The following SPATA1 variants were observed in gnomAD, a reference collection of about 807,000 sequenced individuals.
The protein encoded by SPATA1 is spermatogenesis associated 1.
Under a neutral mutation model 59.6 loss-of-function variants are expected in SPATA1, and 57 were observed. The ratio of observed to expected loss-of-function variants is 0.96; its 90% confidence interval spans 0.77 to 1.19. The LOEUF is 1.19. SPATA1 is among the 50% of genes most tolerant of loss of function. SPATA1 has a pLI of 0.00. For synonymous variants in SPATA1, 147 were observed against 163.9 expected (o/e 0.90, Z 0.79); for missense variants, 448 against 480.7 (o/e 0.93, Z 0.64).
In SPATA1 at chr1:84,513,976, G is replaced by A. The variant is rs1052089188; in HGVS notation, c.-137-2247G>A. On this transcript the variant is annotated intron_variant, in intron 1 of 12. Transcript: ENST00000490879. ...CCTGCCTCACCCTCTTGAGTAGCTG[G>A]GATTACAGGCACACACCACCACACC... Among the ~76,000 whole-genome samples the A allele has an allele frequency of 6.6e-5, 10 of 151,412 alleles. 1 individual carries two copies. The highest frequency in any genetic ancestry group is 3.4e-3 in the Middle Eastern group (1 of 294).
chr1:84,509,819 A>G (rs1682457332), intron 1 of SPATA1, among the ~76,000 whole-genome samples: 1 of 152,196 alleles, frequency 6.6e-6, no homozygotes, highest in African/African-American at 2.4e-5. Context: ...GGATTGGGTA[A>G]AGATTTTTTG....
At chr1:84,566,908 G>C (rs897394022), downstream of SPATA1, among the ~76,000 whole-genome samples, 1 of 152,150 alleles carries the variant, frequency 6.6e-6, no homozygotes, top group Non-Finnish European at 1.5e-5. Context: ...GTGCTTACAG[G>C]CGTGAGCCAC....
At chr1:84,557,533 C>CAAAAAAA (rs56101174), downstream of SPATA1, among the ~76,000 whole-genome samples, 3 of 55,436 alleles carry the variant, frequency 5.4e-5, no homozygotes, top group Non-Finnish European at 1.1e-4. Context: ...AACTCCATCT[C>CAAAAAAA]AAAAAAAAAA....
intron 11 of SPATA1, 132 bp from the exon 12 acceptor site, chr1:84,550,300 T>A: frequency 2.3e-6 from 1 of 438,314 alleles, no homozygotes; most frequent in Non-Finnish European, 4.0e-6. Flanking sequence ...CAATTTAGTT[T>A]ACTTTACGGA....
chr1:84,554,454 G>C (rs889276148), exon 13 of SPATA1: 1 of 152,362 alleles, frequency 6.6e-6, no homozygotes, highest in Non-Finnish European at 1.5e-5. Context: ...AAGTACCTCA[G>C]AGAACATAAA....
intron 11 of SPATA1, chr1:84,549,506 T>C (rs17111299): frequency 0.078 from 11,878 of 152,186 alleles, 836 homozygotes; most frequent in African/African-American, 0.19. Context: ...CAGTGTCTGC[T>C]ATAGTCCTGT....
intron 12 of SPATA1, chr1:84,551,192 C>T (rs969003643): frequency 2.0e-6 from 2 of 985,146 alleles, no homozygotes; most frequent in Non-Finnish European, 1.2e-6. Flanking sequence ...CATTTTCATA[C>T]AAGTACCCAC....
chr1:84,555,639 A>G (rs761662114), downstream of SPATA1, among the ~76,000 whole-genome samples: 71 of 152,208 alleles, frequency 4.7e-4, 1 homozygote, highest in Non-Finnish European at 1.8e-4. Context: ...GCTCCTTTTC[A>G]TGTCCTAAGA....
At chr1:84,533,945 A>C (rs1683574274) in intron 8 of SPATA1, among the ~76,000 whole-genome samples, 179 bp downstream of exon 8, 1 of 152,044 alleles carries the variant, frequency 6.6e-6, no homozygotes, top group South Asian at 2.1e-4. Context: ...AATATGCCCA[A>C]ATGAGAAGGG....
chr1:84,543,406 C>T (rs987250961), intron 8 of SPATA1, among the ~76,000 whole-genome samples: 6 of 152,138 alleles, frequency 3.9e-5, no homozygotes, highest in African/African-American at 7.2e-5. Context: ...AATTGGCTCA[C>T]GGTTCTGCAG....
chr1:84,551,030 T>C, intron 12 of SPATA1: 2 of 985,344 alleles, frequency 2.0e-6, no homozygotes, highest in Non-Finnish European at 2.4e-6. Context: ...GTTTCTCCCA[T>C]GGGACCTTTT....
At chr1:84,563,736 T>C (rs1221375406) in intron 4 of SPATA1, 2 of 1,575,794 alleles carry the variant, frequency 1.3e-6, no homozygotes, top group Admixed American at 1.8e-5. Context: ...TGTTCCTACC[T>C]CAGACAGATT....
chr1:84,550,934 G>T (rs1236352472), intron 12 of SPATA1: 1 of 976,568 alleles, frequency 1.0e-6, no homozygotes, highest in Non-Finnish European at 1.2e-6. Flanking sequence ...ATTTTCATAT[G>T]TATTCTATTA....
chr1:84,531,299 A>T (rs903769525), intron 6 of SPATA1, among the ~76,000 whole-genome samples: 1 of 151,486 alleles, frequency 6.6e-6, no homozygotes, highest in Non-Finnish European at 1.5e-5. Flanking sequence ...AGTAGCTGGG[A>T]TTACAGGCAC....
intron 6 of SPATA1, among the ~76,000 whole-genome samples, chr1:84,530,943 A>G (rs1239232439): frequency 6.6e-6 from 1 of 152,200 alleles, no homozygotes; most frequent in Non-Finnish European, 1.5e-5. Context: ...TCATAGTTCA[A>G]AACTTAGTTT....
chr1:84,529,007 A>G (rs899532291), intron 6 of SPATA1, among the ~76,000 whole-genome samples: 5 of 152,054 alleles, frequency 3.3e-5, no homozygotes, highest in South Asian at 4.2e-4. Context: ...CACTATATAT[A>G]TATTTTTTCA....
At chr1:84,565,947 G>A (rs2994953) in exon 5 of SPATA1, 419,489 of 1,594,476 alleles carry the variant, frequency 0.26, 57,029 homozygotes, top group South Asian at 0.38. Context: ...AAGCATCTGC[G>A]ATTCCAGTAT....
chr1:84,514,874 G>A (rs1436776089), intron 1 of SPATA1, among the ~76,000 whole-genome samples: 1 of 152,140 alleles, frequency 6.6e-6, no homozygotes, highest in East Asian at 1.9e-4. Flanking sequence ...GGGAGGCTGA[G>A]GCAGGAGAAT....
chr1:84,546,117 G>C (rs1684077610), intron 10 of SPATA1, among the ~76,000 whole-genome samples: 1 of 152,164 alleles, frequency 6.6e-6, no homozygotes, highest in Non-Finnish European at 1.5e-5. Flanking sequence ...TGCCCACATA[G>C]ATCTTACAGT....
Sources: gnomAD v4.1 joint callset for allele counts (sites outside exome capture counted in the v4.1 genomes callset) on GRCh38, gnomAD v4.1.1 for gene constraint, MANE v1.5 for transcripts, NCBI Gene and HGNC (gene_info 2026-07-23, HGNC 2026-07-21) for gene names.